The following MEST variants were observed in gnomAD, a reference collection of about 807,000 sequenced individuals.
The protein encoded by MEST is mesoderm-specific transcript homolog protein.
A neutral mutation model predicts 50.9 loss-of-function variants in MEST; 18 were observed. The observed-to-expected ratio is 0.35, with a 90% CI of 0.24 to 0.52. MEST has a LOEUF of 0.52. Among genes scored for constraint, MEST ranks in the 20% least tolerant of loss-of-function variants. The probability of loss-of-function intolerance (pLI) is 0.94; values close to 1 mark genes in which losing one functional copy is unlikely to be tolerated. For missense variants in MEST, 282 were observed against 425.3 expected, an observed-to-expected ratio of 0.66 and a Z score of 2.96; for synonymous variants, 130 against 154.1, an observed-to-expected ratio of 0.84 and a Z score of 1.16.
chr7:130,495,599 TG>T, intron 2 of MEST, 77 bp downstream of exon 2: 2 of 1,445,476 alleles, frequency 1.4e-6, no homozygotes, highest in Non-Finnish European at 1.9e-6. Flanking sequence ...TTGTGGCTAT[TG>T]GTCTCTTGTT....
At chr7:130,502,287 T>C (rs540419964) in intron 9 of MEST, among the ~76,000 whole-genome samples, 2 of 152,312 alleles carry the variant, frequency 1.3e-5, no homozygotes, top group Admixed American at 1.3e-4. Flanking sequence ...TGTTATATGT[T>C]TGAGTCAGAG....
At chr7:130,499,954 G>C in intron 7 of MEST, 39 bp downstream of exon 7, 1 of 1,557,228 alleles carries the variant, frequency 6.4e-7, no homozygotes, top group Non-Finnish European at 8.8e-7. Context: ...TTTAGGATTT[G>C]TACTGACGTA....
rs1799154354 is a variant in MEST, at chr7:130,498,454, A to G, written c.512A>G (p.Lys171Arg). ...KQNRSGRLTI[K>R]SLCLSNGGIF... ...AATCGATCTGGTCGGCTTACCATAA[A>G]GAGTCTCTGTCTGTCAAATGGAGGT... The change falls in exon 6 of 12, where the codon AAG becomes AGG. Residue 171 changes from lysine (K) to arginine (R), a missense_variant. Transcript: ENST00000223215. 1 of 1,614,068 alleles carries G rather than the reference A, an allele frequency of 6.2e-7. No individual in the cohort carries two copies. The highest frequency in any genetic ancestry group is 1.3e-5 in the African/African-American group (1 of 74,916).
Position 130,497,367 on chromosome 7 carries a change from G to A in MEST, c.261+132G>A. ...AGGTCAGGAGTTTGAGACCAGCCAG[G>A]CCAACATGGCAAAACCCCATCTCTA... On this transcript the variant is annotated intron_variant, in intron 3 of 11. Coordinates refer to ENST00000223215, the MANE Select transcript of MEST (RefSeq NM_002402.4). The surrounding 1 kb of genome is among the most constrained non-coding windows in gnomAD (Gnocchi z 4.0). 1 of 600,614 alleles carries A rather than the reference G, an allele frequency of 1.7e-6. No homozygotes were observed. Among genetic ancestry groups the A allele is most frequent in the African/African-American group, 1.9e-5 (1 of 52,208 alleles). 37.2% of individuals were successfully genotyped at this position (600,614 alleles called of 1,614,324 possible).
Position 130,498,444 on chromosome 7 carries a change from C to G in MEST, c.502C>G (p.Leu168Val). The change falls in exon 6 of 12, where the codon CTT (leucine) becomes GTT (valine). Residue 168 changes from leucine (L) to valine (V), a missense_variant. Transcript: ENST00000223215. ...YRYKQNRSGR[L>V]TIKSLCLSNG... Reference sequence around the variant, plus strand: ...GTACAAGCAGAATCGATCTGGTCGGCTTACCATAAAGAGTCTCTGTCTGTC... The same window carrying G: ...GTACAAGCAGAATCGATCTGGTCGGGTTACCATAAAGAGTCTCTGTCTGTC... The G allele has an allele frequency of 6.2e-7, 1 of 1,614,148 alleles. No homozygotes were observed.
At chr7:130,503,681 G>T (rs1344110262) in intron 10 of MEST, among the ~76,000 whole-genome samples, 1 of 152,092 alleles carries the variant, frequency 6.6e-6, no homozygotes, top group Non-Finnish European at 1.5e-5. Flanking sequence ...GTGTGGTGTT[G>T]CACACCTGTA....
Position 130,497,850 on chromosome 7 carries a change from TA to T in MEST, c.262-85del. The T allele has an allele frequency of 8.2e-7, 1 of 1,214,980 alleles. No homozygotes were observed. The highest frequency in any genetic ancestry group is 1.2e-6 in the Non-Finnish European group (1 of 817,152). The allele number at this position is 1,214,980 out of a possible 1,614,324, so 75.3% of individuals were successfully genotyped here. ...TTTATGGAAGTCTGTTAAGCCAAGATAGGGCTGAAGCTCCTGTGCAACTGTA... is the reference window on the plus strand; with the variant it reads ...TTTATGGAAGTCTGTTAAGCCAAGATGGGCTGAAGCTCCTGTGCAACTGTA... On this transcript the variant is annotated intron_variant, in intron 3 of 11. Coordinates refer to ENST00000223215, the MANE Select transcript of MEST (RefSeq NM_002402.4). This position sits in a 1 kb window ranked among gnomAD's most constrained non-coding sequence, Gnocchi z 4.0.
upstream of MEST, chr7:130,490,751 C>G (rs1371437244): frequency 4.6e-5 from 7 of 152,236 alleles, no homozygotes; most frequent in African/African-American, 1.7e-4. Flanking sequence ...TTATTTCGCA[C>G]CCCCGGTTCT....
At chr7:130,486,239 C>A (rs1043620060) in exon 1 of MEST, 1 of 151,872 alleles carries the variant, frequency 6.6e-6, no homozygotes, top group Non-Finnish European at 1.5e-5. Context: ...TGGGCTTGTG[C>A]GCGGACCTGG....
chr7:130,505,003 G>C lies in MEST; in HGVS notation c.955G>C (p.Glu319Gln). ...DDHISHYPQL[E>Q]DPMGFLNAYM... ...CCACATTAGCCACTATCCACAGCTA[G>C]AGGATCCCATGGGCTTCTTGAATGC... The change falls in exon 12 of 12, where the codon GAG (glutamate) becomes CAG (glutamine). Residue 319 changes from glutamate to glutamine, a missense_variant. Coordinates refer to ENST00000223215, the MANE Select transcript of MEST (RefSeq NM_002402.4). The C allele has an allele frequency of 1.2e-6, 2 of 1,613,912 alleles. No homozygotes were observed. Among genetic ancestry groups the C allele is most frequent in the Non-Finnish European group, 1.7e-6 (2 of 1,179,796 alleles).
chr7:130,497,671 T>G lies in MEST; in HGVS notation c.262-265T>G, dbSNP rs1195374093. 1 of 498,438 alleles carries G rather than the reference T, an allele frequency of 2.0e-6. No homozygotes were observed. Among genetic ancestry groups the G allele is most frequent in the Non-Finnish European group, 3.6e-6 (1 of 278,330 alleles). The allele number at this position is 498,438 out of a possible 1,614,324, so 30.9% of individuals were successfully genotyped here. A position where few individuals can be genotyped will look rare whatever the true frequency, so the allele number is the denominator to read the frequency against. ...TAAAAAAACATTAAATGTTGAACTG[T>G]TCCTTATTTACTGAAGGGAATAAAC... On this transcript the variant is annotated intron_variant, in intron 3 of 11. Coordinates refer to ENST00000223215, the MANE Select transcript of MEST (RefSeq NM_002402.4). The surrounding 1 kb of genome is among the most constrained non-coding windows in gnomAD (Gnocchi z 4.0).
At chr7:130,504,286 G>A (rs1318550717) in intron 11 of MEST, among the ~76,000 whole-genome samples, 1 of 152,238 alleles carries the variant, frequency 6.6e-6, no homozygotes, top group Non-Finnish European at 1.5e-5. Flanking sequence ...AAGGTTGAAA[G>A]TGGATATACC....
chr7:130,504,128 TAA>T, intron 11 of MEST, 132 bp downstream of exon 11: 1 of 669,270 alleles, frequency 1.5e-6, no homozygotes, highest in South Asian at 2.0e-5. Flanking sequence ...CAGGAAACAA[TAA>T]AAAGATTGAG....
intron 9 of MEST, 107 bp from the exon 10 acceptor site, chr7:130,502,537 T>C: frequency 1.2e-6 from 1 of 820,826 alleles, no homozygotes; most frequent in Non-Finnish European, 2.0e-6. Context: ...AAACTGCTTC[T>C]GGATTAAGAA....
At position 130,492,720 on chromosome 7, in the gene MEST, T is replaced by G. The variant is rs1470925541; in HGVS notation, c.26+381T>G. The G allele has an allele frequency of 5.2e-6, 1 of 194,066 alleles. No individual in the cohort carries two copies. The highest frequency in any genetic ancestry group is 2.3e-5 in the African/African-American group (1 of 43,044). 12.0% of individuals were successfully genotyped at this position (194,066 alleles called of 1,614,324 possible). ...CTGGTGCGATTTAGGATTTTTATACTCAGTCATTGCTGCAGCATGATTTAG... is the reference window on the plus strand; with the variant it reads ...CTGGTGCGATTTAGGATTTTTATACGCAGTCATTGCTGCAGCATGATTTAG... On this transcript the variant is annotated intron_variant, in intron 1 of 11. Transcript: ENST00000223215. This position sits in a 1 kb window ranked among gnomAD's most constrained non-coding sequence, Gnocchi z 7.6.
chr7:130,493,033 C>T (rs1470559677), intron 1 of MEST, among the ~76,000 whole-genome samples: 1 of 152,116 alleles, frequency 6.6e-6, no homozygotes, highest in African/African-American at 2.4e-5. Flanking sequence ...ATCGCAGTGC[C>T]GAGATCGCCG....
chr7:130,497,212 A>T lies in MEST; in HGVS notation c.238A>T (p.Thr80Ser). Residue 80 changes from threonine to serine, a missense_variant, in exon 3 of 12, where the codon ACA (threonine) becomes TCA (serine). By Grantham distance (58) the Thr-to-Ser change is moderately conservative. Coordinates refer to ENST00000223215, the MANE Select transcript of MEST (RefSeq NM_002402.4). The surrounding 1 kb of genome is among the most constrained non-coding windows in gnomAD (Gnocchi z 4.0). ...AGTTGTGCTTTTACACGGTTTTCCA[A>T]CATCCAGCTACGACTGGTACAAGGT... ...EIVVLLHGFPTSSYDWYKIWE... is the reference protein window; with the variant it reads ...EIVVLLHGFPSSSYDWYKIWE... 1 of 1,613,416 alleles carries T rather than the reference A, an allele frequency of 6.2e-7. No homozygotes were observed. The highest frequency in any genetic ancestry group is 8.5e-7 in the Non-Finnish European group (1 of 1,179,642).
intron 1 of MEST, among the ~76,000 whole-genome samples, chr7:130,495,110 C>T (rs554434875): frequency 1.6e-4 from 24 of 152,058 alleles, no homozygotes; most frequent in African/African-American, 5.5e-4. Flanking sequence ...GGGTTAAAGT[C>T]GGGGAGCAGA....
Position 130,503,979 on chromosome 7 carries a change from GT to G in MEST, c.878del (p.Leu293TrpfsTer26). On this transcript the variant is annotated frameshift_variant, in exon 11 of 12. Coordinates refer to ENST00000223215, the MANE Select transcript of MEST (RefSeq NM_002402.4). LOFTEE classifies it high-confidence loss of function. The part of the protein sequence containing the change: ...PLDPVNPYPE[F>X]LELYRKTLPR... The stretch of plus-strand genomic sequence containing the variant: ...TGGATCCTGTAAATCCCTATCCAGA[GT>G]TTTTGGAGCTGTACAGGTGAGTCTC... The G allele has an allele frequency of 6.2e-7, 1 of 1,613,302 alleles. No homozygotes were observed. The highest frequency in any genetic ancestry group is 8.5e-7 in the Non-Finnish European group (1 of 1,179,344).
Sources: allele counts gnomAD v4.1 joint callset (sites outside exome capture counted in the v4.1 genomes callset), GRCh38; gene constraint gnomAD v4.1.1; non-coding constraint Gnocchi (gnomAD v3.1); transcripts MANE v1.5; gene names NCBI Gene and HGNC (gene_info 2026-07-23, HGNC 2026-07-21).